The following TGFA variants were observed in gnomAD, a reference collection of about 807,000 sequenced individuals.
TGFA encodes protransforming growth factor alpha.
In TGFA, 12 loss-of-function variants were observed where a neutral mutation model predicts 21.7. The ratio of observed to expected loss-of-function variants is 0.55; its 90% confidence interval spans 0.35 to 0.90. The LOEUF (loss-of-function observed/expected upper bound fraction) is 0.90, where lower values mean the gene tolerates loss of function less well. TGFA is among the 40% of genes least tolerant of loss of function. The pLI, the probability that TGFA is intolerant of heterozygous loss-of-function variation, is 0.01. For synonymous variants in TGFA, 79 were observed against 88.1 expected (o/e 0.90, Z 0.58); for missense variants, 178 against 210.8 (o/e 0.84, Z 0.96).
intron 1 of TGFA, among the ~76,000 whole-genome samples, chr2:70,517,664 T>C (rs1411848450): frequency 6.6e-6 from 1 of 152,112 alleles, no homozygotes; most frequent in Non-Finnish European, 1.5e-5. Context: ...AACTCAAGTG[T>C]CTCCAACTCC....
intron 1 of TGFA, among the ~76,000 whole-genome samples, chr2:70,553,020 C>A (rs1281322807): frequency 1.3e-5 from 2 of 152,228 alleles, no homozygotes; most frequent in African/African-American, 4.8e-5. Context: ...GTTTAACTTC[C>A]CCTCACCTTT....
At chr2:70,513,802 A>G (rs929087648) in intron 2 of TGFA, among the ~76,000 whole-genome samples, 2 of 152,186 alleles carry the variant, frequency 1.3e-5, no homozygotes, top group African/African-American at 2.4e-5. Context: ...TGAAATAACT[A>G]TGGAGACACA....
chr2:70,514,411 A>T (rs1051388455), intron 2 of TGFA, among the ~76,000 whole-genome samples: 6 of 145,848 alleles, frequency 4.1e-5, no homozygotes, highest in Admixed American at 6.8e-5. Flanking sequence ...ATAATAATAA[A>T]AAAAAATACC....
chr2:70,545,087 A>G (rs1196643509), intron 1 of TGFA, among the ~76,000 whole-genome samples: 2 of 152,212 alleles, frequency 1.3e-5, no homozygotes. Flanking sequence ...TGATGTGTTT[A>G]TTACACATTG....
At chr2:70,511,890 TACACACACACAC>T (rs36084203) in intron 2 of TGFA, among the ~76,000 whole-genome samples, 255 of 143,044 alleles carry the variant, frequency 1.8e-3, no homozygotes, top group African/African-American at 6.1e-3. Flanking sequence ...TAGTCATGAA[TACACACACACAC>T]ACACACACAC....
chr2:70,461,944 C>T (rs781967096), intron 3 of TGFA, among the ~76,000 whole-genome samples: 16 of 152,026 alleles, frequency 1.1e-4, no homozygotes, highest in Non-Finnish European at 1.6e-4. Flanking sequence ...CATTTTATAG[C>T]GTGAGATGTC....
chr2:70,501,169 A>G (rs114146075), intron 2 of TGFA, among the ~76,000 whole-genome samples: 2,150 of 152,250 alleles, frequency 0.014, 43 homozygotes, highest in African/African-American at 0.049. Flanking sequence ...TCCCTAATGT[A>G]TACTTATATT....
intron 1 of TGFA, among the ~76,000 whole-genome samples, chr2:70,535,105 G>A (rs1672933657): frequency 6.6e-6 from 1 of 152,124 alleles, no homozygotes; most frequent in South Asian, 2.1e-4. Flanking sequence ...GGTTAAAGGA[G>A]TTTGTACAAT....
Position 70,553,715 on chromosome 2 carries a change from C to G in TGFA, c.40+13G>C, listed in dbSNP as rs1673589272. 7.5e-7 allele frequency: 1 copy of G among 1,330,968 alleles called. No individual in the cohort carries two copies. Among genetic ancestry groups the G allele is most frequent in the East Asian group, 3.0e-5 (1 of 33,420 alleles). The allele number at this position is 1,330,968 out of a possible 1,614,324, so 82.4% of individuals were successfully genotyped here. A position where few individuals can be genotyped will look rare whatever the true frequency, so the allele number is the denominator to read the frequency against. Reference sequence around the variant, plus strand: ...TCGCGCGGCGCAGGGGGCGCCGCAGCCGGCGTACGTACCCAGAGCGAACAG... The same window carrying G: ...TCGCGCGGCGCAGGGGGCGCCGCAGGCGGCGTACGTACCCAGAGCGAACAG... On this transcript the variant is annotated intron_variant, in intron 1 of 5. Transcript: ENST00000295400.
chr2:70,535,840 G>A (rs1553504295), intron 1 of TGFA, among the ~76,000 whole-genome samples: 1 of 152,166 alleles, frequency 6.6e-6, no homozygotes, highest in Non-Finnish European at 1.5e-5. Flanking sequence ...GTTCACTGGT[G>A]CAATACCAGT....
chr2:70,553,353 C>T, intron 1 of TGFA: 1 of 1,471,752 alleles, frequency 6.8e-7, no homozygotes, highest in Non-Finnish European at 8.9e-7. Flanking sequence ...CCAGTCTACA[C>T]GCCAGCGACG....
At chr2:70,511,344 T>G (rs782319511) in intron 2 of TGFA, among the ~76,000 whole-genome samples, 2 of 152,240 alleles carry the variant, frequency 1.3e-5, no homozygotes, top group Non-Finnish European at 2.9e-5. Context: ...GATGGTTTGT[T>G]TCTGGATTGA....
chr2:70,465,569 T>A, intron 3 of TGFA, 47 bp downstream of exon 3: 2 of 1,612,018 alleles, frequency 1.2e-6, no homozygotes, highest in Non-Finnish European at 1.7e-6. Context: ...AATTGGATAT[T>A]GGACTGACCC....
At chr2:70,474,996 GTGT>G (rs1670879030) in intron 2 of TGFA, among the ~76,000 whole-genome samples, 1 of 152,018 alleles carries the variant, frequency 6.6e-6, no homozygotes, top group Non-Finnish European at 1.5e-5. Flanking sequence ...GTGTGTGTGT[GTGT>G]GTGTGTACTG....
At chr2:70,504,739 A>C (rs1424470488) in intron 2 of TGFA, among the ~76,000 whole-genome samples, 1 of 152,070 alleles carries the variant, frequency 6.6e-6, no homozygotes, top group Non-Finnish European at 1.5e-5. Flanking sequence ...AAGGGGAAGA[A>C]AAAGAGTCAC....
rs566619793 is a variant in TGFA at position 70,489,354 on chromosome 2, C to T, written c.95-23618G>A. The stretch of plus-strand genomic sequence containing the variant: ...TCTCCCTATTTCATTCCTCTTCCCA[C>T]GCAGTGTTTACTAAAATCTCTCAAC... On this transcript the variant is annotated intron_variant, in intron 2 of 5. Transcript: ENST00000295400. Among the ~76,000 whole-genome samples, 4 of 152,380 alleles carry T rather than the reference C, an allele frequency of 2.6e-5. No homozygotes were observed. The South Asian group carries it at 6.2e-4, about 24-fold the overall frequency.
intron 4 of TGFA, among the ~76,000 whole-genome samples, chr2:70,454,850 C>T (rs187062903): frequency 1.3e-5 from 2 of 152,328 alleles, no homozygotes; most frequent in African/African-American, 4.8e-5. Flanking sequence ...TTCCTGTTTC[C>T]AGACAATCTG....
At chr2:70,487,671 A>G (rs572783511) in intron 2 of TGFA, among the ~76,000 whole-genome samples, 1 of 152,208 alleles carries the variant, frequency 6.6e-6, no homozygotes, top group African/African-American at 2.4e-5. Context: ...TAGTCTGGAC[A>G]TGGTAATCTT....
chr2:70,470,159 A>G (rs1670695002), intron 2 of TGFA, among the ~76,000 whole-genome samples: 1 of 151,904 alleles, frequency 6.6e-6, no homozygotes, highest in African/African-American at 2.4e-5. Flanking sequence ...GCGATAAGAG[A>G]GAGAAGGAAC....
Sources: gnomAD v4.1 joint callset for allele counts (sites outside exome capture counted in the v4.1 genomes callset) on GRCh38, gnomAD v4.1.1 for gene constraint, MANE v1.5 for transcripts, NCBI Gene and HGNC (gene_info 2026-07-23, HGNC 2026-07-21) for gene names.